Variants in UNC13C observed in about 807,000 individuals in gnomAD.
UNC13C encodes the protein unc-13 homolog C.
Under a neutral mutation model 245.4 loss-of-function variants are expected in UNC13C, and 174 were observed. That is an observed-to-expected ratio of 0.71 (90% confidence interval 0.63 to 0.80). The LOEUF is 0.80. UNC13C is among the 30% of genes least tolerant of loss of function. The pLI is 0.00. For synonymous variants in UNC13C, 992 were observed against 895.1 expected (o/e 1.11, Z -1.93); for missense variants, 2,829 against 2,602.9 (o/e 1.09, Z -1.89).
chr15:54,173,349 G>T (rs1361507801), intron 4 of UNC13C, among the ~76,000 whole-genome samples: 1 of 152,032 alleles, frequency 6.6e-6, no homozygotes, highest in Non-Finnish European at 1.5e-5. Flanking sequence ...TCTAATCAAA[G>T]AACATGTAAT....
chr15:53,962,489 T>C, the UNC13C span, among the ~76,000 whole-genome samples: 1 of 152,174 alleles, frequency 6.6e-6, no homozygotes, highest in African/African-American at 2.4e-5. Flanking sequence ...TGTGTACTTA[T>C]TATATTCCAG....
chr15:54,220,571 A>C (rs1174164759), intron 4 of UNC13C, among the ~76,000 whole-genome samples: 2 of 151,844 alleles, frequency 1.3e-5, no homozygotes, highest in Admixed American at 1.3e-4. Context: ...CATTGTGTAC[A>C]TGTACCCTAA....
the UNC13C span, among the ~76,000 whole-genome samples, chr15:53,892,698 C>T: frequency 2.6e-5 from 4 of 152,024 alleles, no homozygotes; most frequent in Non-Finnish European, 5.9e-5. Context: ...TCATGAAGTT[C>T]TCGTGCTGTG....
chr15:53,947,827 T>A, the UNC13C span: 1 of 152,200 alleles, frequency 6.6e-6, no homozygotes. Context: ...GGATGACTCT[T>A]TAGGCTTCAC....
chr15:54,201,684 A>G (rs1173739422), intron 4 of UNC13C, among the ~76,000 whole-genome samples: 1 of 152,028 alleles, frequency 6.6e-6, no homozygotes, highest in Non-Finnish European at 1.5e-5. Context: ...AAATCCATCT[A>G]GGACAAACCC....
chr15:53,897,690 CTT>C, the UNC13C span, among the ~76,000 whole-genome samples: 1 of 152,194 alleles, frequency 6.6e-6, no homozygotes, highest in Admixed American at 6.5e-5. Context: ...ATTTTGGCCA[CTT>C]TTCCTGAATT....
chr15:54,391,290 A>G (rs1374696885), intron 17 of UNC13C, among the ~76,000 whole-genome samples: 1 of 152,166 alleles, frequency 6.6e-6, no homozygotes, highest in African/African-American at 2.4e-5. Flanking sequence ...TATTAGAAGT[A>G]GTTTTATTTA....
chr15:53,868,240 G>A, the UNC13C span, among the ~76,000 whole-genome samples: 2 of 152,182 alleles, frequency 1.3e-5, no homozygotes, highest in Non-Finnish European at 2.9e-5. Flanking sequence ...CAGGCTGTTG[G>A]GAGTGGAGGA....
At chr15:54,306,397 G>A (rs554911981) in intron 13 of UNC13C, among the ~76,000 whole-genome samples, 1 of 151,984 alleles carries the variant, frequency 6.6e-6, no homozygotes, top group African/African-American at 2.4e-5. Flanking sequence ...TAGTAAGAAT[G>A]ATAGGCTGTT....
intron 10 of UNC13C, among the ~76,000 whole-genome samples, chr15:54,265,758 A>T (rs1473099145): frequency 2.6e-5 from 4 of 151,934 alleles, no homozygotes; most frequent in African/African-American, 4.8e-5. Context: ...TGCAGGAGAT[A>T]AAAAAAGATA....
At chr15:54,436,133 G>T (rs2040981007) in intron 19 of UNC13C, among the ~76,000 whole-genome samples, 1 of 152,004 alleles carries the variant, frequency 6.6e-6, no homozygotes, top group Non-Finnish European at 1.5e-5. Context: ...TACACTGTTG[G>T]TGGGAATGTA....
the UNC13C span, among the ~76,000 whole-genome samples, chr15:53,898,102 A>C: frequency 3.9e-5 from 6 of 152,248 alleles, no homozygotes; most frequent in South Asian, 6.2e-4. Flanking sequence ...CTGATAGTTC[A>C]ATATAAGATC....
intron 18 of UNC13C, among the ~76,000 whole-genome samples, chr15:54,409,195 A>AT (rs1186877709): frequency 4.0e-5 from 6 of 151,522 alleles, no homozygotes; most frequent in Admixed American, 6.6e-5. Context: ...TTAGGCTTTG[A>AT]TTTTTTTTAA....
intron 19 of UNC13C, among the ~76,000 whole-genome samples, chr15:54,483,425 C>T (rs1405430578): frequency 5.9e-5 from 9 of 152,206 alleles, no homozygotes; most frequent in Admixed American, 5.2e-4. Flanking sequence ...TCTAAATAAT[C>T]CAGATGATTA....
chr15:54,103,570 A>G (rs766251039), intron 2 of UNC13C, among the ~76,000 whole-genome samples: 1 of 152,152 alleles, frequency 6.6e-6, no homozygotes, highest in East Asian at 1.9e-4. Context: ...CAATCCTTCT[A>G]CTAAATTGTC....
rs1440014884 is a variant in UNC13C at position 54,548,211 on chromosome 15, T to TG, written c.5820+1366_5820+1367insG. On this transcript the variant is annotated intron_variant, in intron 27 of 32. Coordinates refer to ENST00000260323, the MANE Select transcript of UNC13C (RefSeq NM_001080534.3). ...TGTTGTTGTTTTGTTTCTTTTGCTT[T>TG]TTTTTTTTTTTTTTTTTTTTTTTTT... 4.9e-3 allele frequency among the ~76,000 whole-genome samples: 373 copies of TG among 76,058 alleles called. 2 individuals are homozygous for TG. The highest frequency in any genetic ancestry group is 0.019 in the South Asian group (38 of 2,042). 49.9% of individuals were successfully genotyped at this position (76,058 alleles called of 152,430 possible). A position where few individuals can be genotyped will look rare whatever the true frequency, so the allele number is the denominator to read the frequency against.
At chr15:54,026,150 C>T (rs1457137302) in intron 2 of UNC13C, among the ~76,000 whole-genome samples, 2 of 152,124 alleles carry the variant, frequency 1.3e-5, no homozygotes, top group Admixed American at 1.3e-4. Flanking sequence ...GATCAACATG[C>T]CCTTTGCATT....
chr15:54,485,974 T>A (rs975096240), intron 19 of UNC13C, among the ~76,000 whole-genome samples: 13 of 152,088 alleles, frequency 8.5e-5, no homozygotes, highest in African/African-American at 2.2e-4. Context: ...CATTATATAT[T>A]TTTTTTCCAG....
chr15:54,328,388 A>T (rs963370838), intron 14 of UNC13C, among the ~76,000 whole-genome samples: 1 of 152,100 alleles, frequency 6.6e-6, no homozygotes, highest in African/African-American at 2.4e-5. Context: ...ATGATCTGGA[A>T]AAAAACTGTT....
Sources: gnomAD v4.1 joint callset for allele counts (sites outside exome capture counted in the v4.1 genomes callset) on GRCh38, gnomAD v4.1.1 for gene constraint, MANE v1.5 for transcripts, NCBI Gene and HGNC (gene_info 2026-07-23, HGNC 2026-07-21) for gene names.